Variants in AKAP6 observed in about 807,000 individuals in gnomAD.
AKAP6 encodes the protein A-kinase anchoring protein 6.
A neutral mutation model predicts 188.5 loss-of-function variants in AKAP6; 58 were observed. The observed-to-expected ratio is 0.31, with a 90% CI of 0.25 to 0.38. The LOEUF (loss-of-function observed/expected upper bound fraction) is 0.38. Among genes scored for constraint, AKAP6 ranks in the 10% least tolerant of loss-of-function variants. The pLI, the probability that AKAP6 is intolerant of heterozygous loss-of-function variation, is 1.00. For missense variants in AKAP6, 2,710 were observed against 2,740.0 expected (o/e 0.99, Z 0.24); for synonymous variants, 989 against 998.6 (o/e 0.99, Z 0.18).
intron 7 of AKAP6, among the ~76,000 whole-genome samples, chr14:32,632,446 A>G (rs1181692824): frequency 6.6e-6 from 1 of 152,106 alleles, no homozygotes; most frequent in Non-Finnish European, 1.5e-5. Flanking sequence ...CTTCTCCTAT[A>G]AAATATTTTG....
intron 5 of AKAP6, among the ~76,000 whole-genome samples, chr14:32,592,351 T>A (rs1368764771): frequency 2.0e-5 from 3 of 152,192 alleles, no homozygotes; most frequent in Non-Finnish European, 4.4e-5. Context: ...GTACAAGTAC[T>A]ATGGGTGCCA....
chr14:32,451,992 T>C (rs1214625176), intron 2 of AKAP6, among the ~76,000 whole-genome samples: 3 of 150,930 alleles, frequency 2.0e-5, no homozygotes, highest in African/African-American at 7.3e-5. Flanking sequence ...ATTTTTCTTT[T>C]TCTTTTTCTT....
chr14:32,584,857 A>G (rs1003728987), intron 5 of AKAP6, among the ~76,000 whole-genome samples: 2 of 152,222 alleles, frequency 1.3e-5, no homozygotes, highest in African/African-American at 2.4e-5. Flanking sequence ...AGTCTATTGT[A>G]TGGATATACC....
chr14:32,585,248 A>G (rs571502136), intron 5 of AKAP6, among the ~76,000 whole-genome samples: 1 of 152,186 alleles, frequency 6.6e-6, no homozygotes, highest in African/African-American at 2.4e-5. Flanking sequence ...TCTGCAGCCA[A>G]TCAGTATATT....
chr14:32,403,002 G>C (rs558868701), intron 1 of AKAP6: 1 of 152,406 alleles, frequency 6.6e-6, no homozygotes, highest in Non-Finnish European at 1.5e-5. Context: ...AAAGTGCTGG[G>C]ATTATAGGTG....
intron 8 of AKAP6, among the ~76,000 whole-genome samples, chr14:32,695,440 G>A (rs1474130632): frequency 4.6e-5 from 7 of 152,164 alleles, no homozygotes; most frequent in African/African-American, 1.7e-4. Context: ...CAGTATTTTG[G>A]ATCTGATAGT....
chr14:32,624,774 G>A lies in AKAP6; in HGVS notation c.2730+23982G>A, dbSNP rs151303491. Among the ~76,000 whole-genome samples, 714 of 152,222 alleles carry A rather than the reference G, an allele frequency of 4.7e-3. 12 individuals are homozygous for A. The highest frequency in any genetic ancestry group is 0.017 in the African/African-American group (690 of 41,560). On this transcript the variant is annotated intron_variant, in intron 7 of 13. Transcript: ENST00000280979. ...AAAAATCACATTAATGGCTTTGTCT[G>A]CAGCTCAGTTATTACCAATTGCTAT...
At chr14:32,703,885 T>C (rs1890710805) in intron 9 of AKAP6, among the ~76,000 whole-genome samples, 1 of 152,224 alleles carries the variant, frequency 6.6e-6, no homozygotes, top group Non-Finnish European at 1.5e-5. Context: ...CCGTTGGTTA[T>C]GTAAATGTAA....
chr14:32,658,778 T>C (rs1888561068), intron 7 of AKAP6, among the ~76,000 whole-genome samples: 1 of 141,416 alleles, frequency 7.1e-6, no homozygotes, highest in Admixed American at 7.5e-5. Flanking sequence ...TAAAGTCTTC[T>C]TTAAAAAAAA....
At chr14:32,468,700 A>G (rs1041043682) in intron 2 of AKAP6, among the ~76,000 whole-genome samples, 2 of 151,974 alleles carry the variant, frequency 1.3e-5, no homozygotes, top group African/African-American at 4.8e-5. Context: ...TTGTCCCTCC[A>G]TTCTTTCTCC....
chr14:32,824,998 CAG>C (rs1174780359), intron 13 of AKAP6, among the ~76,000 whole-genome samples, 183 bp downstream of exon 13: 1 of 149,796 alleles, frequency 6.7e-6, no homozygotes, highest in East Asian at 1.9e-4. Flanking sequence ...AAAAAAAAAA[CAG>C]GGAAAATTGA....
intron 4 of AKAP6, among the ~76,000 whole-genome samples, chr14:32,566,327 T>A (rs1461283665): frequency 6.6e-6 from 1 of 151,842 alleles, no homozygotes; most frequent in East Asian, 1.9e-4. Context: ...ATATTTATGT[T>A]AATATATATT....
At chr14:32,335,900 AT>A (rs1334328260) in intron 1 of AKAP6, among the ~76,000 whole-genome samples, 7 of 131,914 alleles carry the variant, frequency 5.3e-5, no homozygotes, top group African/African-American at 2.1e-4. Flanking sequence ...AGGGCCTATA[AT>A]TCGAGGTTAT....
At chr14:32,696,682 A>G (rs764161660) in intron 9 of AKAP6, among the ~76,000 whole-genome samples, 2 of 152,210 alleles carry the variant, frequency 1.3e-5, no homozygotes, top group African/African-American at 2.4e-5. Context: ...TCCATCTAAT[A>G]ACTATCTATA....
chr14:32,359,097 T>C (rs1887573866), intron 1 of AKAP6, among the ~76,000 whole-genome samples: 1 of 152,068 alleles, frequency 6.6e-6, no homozygotes, highest in African/African-American at 2.4e-5. Context: ...AAAGGGCCCT[T>C]GCCTCTGTAG....
At chr14:32,380,199 T>C (rs990608636) in intron 1 of AKAP6, among the ~76,000 whole-genome samples, 5 of 152,232 alleles carry the variant, frequency 3.3e-5, no homozygotes, top group Non-Finnish European at 5.9e-5. Context: ...ACTTGGCAAA[T>C]GTCTGTGTAT....
chr14:32,464,075 C>A (rs938461351), intron 2 of AKAP6, among the ~76,000 whole-genome samples: 14 of 152,132 alleles, frequency 9.2e-5, no homozygotes, highest in African/African-American at 3.4e-4. Context: ...AGACCAATAA[C>A]AAGTTCTGAA....
At chr14:32,507,854 A>C (rs532338871) in intron 2 of AKAP6, among the ~76,000 whole-genome samples, 2 of 152,320 alleles carry the variant, frequency 1.3e-5, no homozygotes, top group African/African-American at 4.8e-5. Flanking sequence ...AGTCAGGCTT[A>C]TTTCAAGGAT....
intron 2 of AKAP6, among the ~76,000 whole-genome samples, chr14:32,479,500 TTAA>T (rs967596436): frequency 5.3e-5 from 8 of 152,338 alleles, no homozygotes; most frequent in African/African-American, 1.7e-4. Context: ...TTTCTTTAAC[TTAA>T]TATTATTTCC....
Sources: gnomAD v4.1 joint callset for allele counts (sites outside exome capture counted in the v4.1 genomes callset) on GRCh38, gnomAD v4.1.1 for gene constraint, MANE v1.5 for transcripts, NCBI Gene and HGNC (gene_info 2026-07-23, HGNC 2026-07-21) for gene names.